Variants in KAT8 observed in about 807,000 individuals in gnomAD.
KAT8 encodes lysine acetyltransferase 8.
Under a neutral mutation model 62.9 loss-of-function variants are expected in KAT8, and 40 were observed. That is an observed-to-expected ratio of 0.64 (90% CI 0.49 to 0.83). The LOEUF is 0.83. Ranked by LOEUF, KAT8 falls within the 40% of genes least tolerant of loss-of-function variation. KAT8 has a pLI of 0.00. For missense variants in KAT8, 387 were observed against 614.8 expected (o/e 0.63, Z 3.92); for synonymous variants, 278 against 254.5 (o/e 1.09, Z -0.88).
At chr16:31,125,195 A>AG (rs1388629475) in intron 3 of KAT8, among the ~76,000 whole-genome samples, 131 of 151,766 alleles carry the variant, frequency 8.6e-4, no homozygotes, top group African/African-American at 3.1e-3. Flanking sequence ...CTATCTCAGA[A>AG]GAAAAAAAAA....
intron 3 of KAT8, among the ~76,000 whole-genome samples, chr16:31,125,197 A>G (rs1316231148): frequency 6.9e-6 from 1 of 145,206 alleles, no homozygotes; most frequent in Non-Finnish European, 1.5e-5. Context: ...ATCTCAGAAG[A>G]AAAAAAAAAA....
chr16:31,128,010 A>G (rs2057545835), intron 5 of KAT8, 40 bp from the exon 6 acceptor site: 2 of 1,514,406 alleles, frequency 1.3e-6, no homozygotes, highest in South Asian at 2.2e-5. Context: ...CCTAGCAGAG[A>G]ACATATGGGC....
intron 3 of KAT8, chr16:31,126,087 A>T (rs1312729548): frequency 6.6e-6 from 1 of 152,226 alleles, no homozygotes; most frequent in East Asian, 1.9e-4. Flanking sequence ...ACAGTGACAA[A>T]GGATAGATCA....
chr16:31,131,388 C>A, downstream of KAT8: 1 of 1,019,278 alleles, frequency 9.8e-7, no homozygotes, highest in Non-Finnish European at 1.5e-6. Context: ...GAAGGGGAGG[C>A]CAAGAGCGGA....
At position 31,127,366 on chromosome 16, in the gene KAT8, C is replaced by T. The variant is rs775238541; in HGVS notation, c.681+13C>T. ...CCGCTTCCACTTGGTGAGGCTGGGC[C>T]GGCCGGGCCGAGCTGGGCAGGGGCC... On this transcript the variant is annotated intron_variant, in intron 5 of 10. Transcript: ENST00000219797. 1.3e-5 allele frequency: 21 copies of T among 1,613,142 alleles called. No homozygotes were observed. Among genetic ancestry groups the T allele is most frequent in the Middle Eastern group, 1.7e-4 (1 of 5,816 alleles).
In KAT8 at chr16:31,127,353, G is replaced by A; in HGVS notation, c.681G>A (p.Leu227=). The change falls in exon 5 of 11, where the codon TTG becomes TTA. Residue 227 remains leucine (L), a splice_region_variant and synonymous_variant. Coordinates refer to ENST00000219797, the MANE Select transcript of KAT8 (RefSeq NM_032188.3). The part of the protein sequence containing the change: ...MKYEKSYRFH[L]GQCQWRQPPG... The stretch of plus-strand genomic sequence containing the variant: ...ATGAGAAGAGCTACCGCTTCCACTT[G>A]GTGAGGCTGGGCCGGCCGGGCCGAG... The A allele has an allele frequency of 6.2e-7, 1 of 1,614,044 alleles. No homozygotes were observed. The highest frequency in any genetic ancestry group is 8.5e-7 in the Non-Finnish European group (1 of 1,180,012).
intron 3 of KAT8, chr16:31,126,094 A>C (rs896498753): frequency 1.3e-5 from 2 of 152,236 alleles, no homozygotes; most frequent in Non-Finnish European, 2.9e-5. Flanking sequence ...CAAAGGATAG[A>C]TCACAAAGCA....
intron 3 of KAT8, among the ~76,000 whole-genome samples, chr16:31,121,951 A>G (rs759114255): frequency 4.1e-4 from 62 of 151,684 alleles, no homozygotes; most frequent in Non-Finnish European, 2.4e-4. Context: ...GGGATCTGCT[A>G]TGTTGCCCAC....
intron 6 of KAT8, among the ~76,000 whole-genome samples, chr16:31,128,362 A>G (rs1023755705): frequency 3.3e-5 from 5 of 152,176 alleles, no homozygotes; most frequent in Non-Finnish European, 5.9e-5. Flanking sequence ...AGCCTGGGTA[A>G]CATGACGAAA....
intron 3 of KAT8, chr16:31,125,921 C>A (rs2057528729): frequency 6.6e-6 from 1 of 152,164 alleles, no homozygotes; most frequent in Admixed American, 6.6e-5. Context: ...TAGAGGAACC[C>A]AGGTGGGCAT....
chr16:31,117,912 C>G lies in KAT8; in HGVS notation c.211+20C>G. 1 of 920,650 alleles carries G rather than the reference C, an allele frequency of 1.1e-6. No individual in the cohort carries two copies. Among genetic ancestry groups the G allele is most frequent in the Non-Finnish European group, 1.4e-6 (1 of 724,696 alleles). 57.0% of individuals were successfully genotyped at this position (920,650 alleles called of 1,614,324 possible). A position where few individuals can be genotyped will look rare whatever the true frequency, so the allele number is the denominator to read the frequency against. ...CCTGGCGTGAGGGCGGGGCCCAGGG[C>G]TGGGGGCGGGGCGGAGCTCAGGGCC... On this transcript the variant is annotated intron_variant, in intron 1 of 10. Coordinates refer to ENST00000219797, the MANE Select transcript of KAT8 (RefSeq NM_032188.3).
intron 6 of KAT8, among the ~76,000 whole-genome samples, chr16:31,129,409 C>G (rs2057555709): frequency 6.6e-6 from 1 of 152,202 alleles, no homozygotes; most frequent in Admixed American, 6.5e-5. Flanking sequence ...ACTCTGGGAG[C>G]TTCAGCTTCC....
Position 31,130,504 on chromosome 16 carries a change from C to T in KAT8, c.1055C>T (p.Pro352Leu), listed in dbSNP as rs746136959. The T allele has an allele frequency of 1.2e-6, 2 of 1,613,976 alleles. No homozygotes were observed. The highest frequency in any genetic ancestry group is 1.3e-5 in the African/African-American group (1 of 74,926). ...LESTVGSPEK[P>L]LSDLGKLSYR... The stretch of plus-strand genomic sequence containing the variant: ...AGCACAGTCGGCTCCCCGGAGAAGC[C>T]ACTGTCTGACCTGGGCAAGCTCAGC... The change falls in exon 9 of 11, where the codon CCA (proline) becomes CTA (leucine). Residue 352 changes from proline to leucine, a missense_variant. Physicochemically the swap from Pro to Leu is moderately conservative, Grantham distance 98. This residue lies in a region of KAT8 where 141 missense variants were observed against 222.5 expected (regional missense o/e 0.63). Transcript: ENST00000219797.
At position 31,117,685 on chromosome 16, in the gene KAT8, GC is replaced by G; in HGVS notation, c.5del (p.Ala2GlyfsTer74). The G allele has an allele frequency of 7.2e-7, 1 of 1,391,622 alleles. No homozygotes were observed. Among genetic ancestry groups the G allele is most frequent in the Non-Finnish European group, 9.4e-7 (1 of 1,067,198 alleles). The allele number at this position is 1,391,622 out of a possible 1,614,324, so 86.2% of individuals were successfully genotyped here. On this transcript the variant is annotated frameshift_variant, in exon 1 of 11. Coordinates refer to ENST00000219797, the MANE Select transcript of KAT8 (RefSeq NM_032188.3). LOFTEE classifies it high-confidence loss of function. ...TGGCGTCACTTCCCTTCCCGCGATG[GC>G]GGCACAGGGAGCTGCTGCGGCGGTT... M[A>X]AQGAAAAVAA...
rs552256560 is a variant in KAT8, at chr16:31,122,893, T to A, written c.462+2379T>A. On this transcript the variant is annotated intron_variant, in intron 3 of 10. Coordinates refer to ENST00000219797, the MANE Select transcript of KAT8 (RefSeq NM_032188.3). Reference sequence around the variant, plus strand: ...GACTCCGTCTCAAAAAAAAAAAAATTTTTAAATTATGGGTGCAGTGGCTCA... The same window carrying A: ...GACTCCGTCTCAAAAAAAAAAAAATATTTAAATTATGGGTGCAGTGGCTCA... 1.0e-4 allele frequency among the ~76,000 whole-genome samples: 15 copies of A among 147,428 alleles called. No individual in the cohort carries two copies. In the South Asian group the frequency reaches 1.1e-3, roughly 11 times the overall value.
In KAT8 at chr16:31,127,343, G is replaced by T. The variant is rs963784714; in HGVS notation, c.671G>T (p.Arg224Leu). 2.5e-6 allele frequency: 4 copies of T among 1,614,156 alleles called. No individual in the cohort carries two copies. Among genetic ancestry groups the T allele is most frequent in the Non-Finnish European group, 2.5e-6 (3 of 1,180,032 alleles). The stretch of plus-strand genomic sequence containing the variant: ...TACATGAAATATGAGAAGAGCTACC[G>T]CTTCCACTTGGTGAGGCTGGGCCGG... ...LKYMKYEKSYRFHLGQCQWRQ... is the reference protein window; with the variant it reads ...LKYMKYEKSYLFHLGQCQWRQ... The change falls in exon 5 of 11, where the codon CGC (arginine) becomes CTC (leucine). Residue 224 changes from arginine (R) to leucine (L), a missense_variant. Physicochemically the swap from Arg to Leu is moderately radical, Grantham distance 102 (BLOSUM62 -2). Around this residue, in one of 6 missense-constraint regions of KAT8, gnomAD observed 141 missense variants for 222.5 expected, o/e 0.63. Transcript: ENST00000219797.
chr16:31,123,857 G>A (rs2057515575), intron 3 of KAT8: 1 of 152,088 alleles, frequency 6.6e-6, no homozygotes, highest in African/African-American at 2.4e-5. Context: ...CTACTTTATT[G>A]GACAGTGTAG....
At chr16:31,124,833 G>A in intron 3 of KAT8, among the ~76,000 whole-genome samples, 1 of 151,310 alleles carries the variant, frequency 6.6e-6, no homozygotes, top group Non-Finnish European at 1.5e-5. Flanking sequence ...TTCAAGACCA[G>A]CCTGGCCAAC....
At position 31,130,126 on chromosome 16, in the gene KAT8, A is replaced by C; in HGVS notation, c.881A>C (p.Gln294Pro). 1 of 1,336,520 alleles carries C rather than the reference A, an allele frequency of 7.5e-7. No individual in the cohort carries two copies. Among genetic ancestry groups the C allele is most frequent in the Non-Finnish European group, 9.8e-7 (1 of 1,017,024 alleles). The allele number at this position is 1,336,520 out of a possible 1,614,324, so 82.8% of individuals were successfully genotyped here. The change falls in exon 7 of 11, where the codon CAG (glutamine) becomes CCG (proline). Residue 294 changes from glutamine to proline, a missense_variant. Coordinates refer to ENST00000219797, the MANE Select transcript of KAT8 (RefSeq NM_032188.3). ...VFYILTEVDR[Q>P]GAHIVGYFSK... ...TACATCCTGACTGAGGTGGACCGGC[A>C]GGGGGCCCACATTGTTGGCTACTTC...
Sources: gnomAD v4.1 joint callset for allele counts (sites outside exome capture counted in the v4.1 genomes callset) on GRCh38, gnomAD v4.1.1 for gene constraint, gnomAD v4.1.1 regional missense constraint, MANE v1.5 for transcripts, NCBI Gene and HGNC (gene_info 2026-07-23, HGNC 2026-07-21) for gene names.